Variants in FGF12 observed in about 807,000 individuals in gnomAD.
FGF12 encodes the protein fibroblast growth factor 12B.
In FGF12, 14 loss-of-function variants were observed where a neutral mutation model predicts 23.6. The ratio of observed to expected loss-of-function variants is 0.59; its 90% CI spans 0.39 to 0.93. FGF12 has a LOEUF of 0.93. Among genes scored for constraint, FGF12 ranks in the 40% least tolerant of loss-of-function variants. The probability of loss-of-function intolerance (pLI) is 0.00; values close to 1 mark genes in which losing one functional copy is unlikely to be tolerated. For synonymous variants in FGF12, 62 were observed against 77.3 expected, an observed-to-expected ratio of 0.80 and a Z score of 1.04; for missense variants, 175 against 217.8, an observed-to-expected ratio of 0.80 and a Z score of 1.24.
intron 5 of FGF12, among the ~76,000 whole-genome samples, chr3:192,163,451 T>C (rs757939036): frequency 3.9e-5 from 6 of 152,184 alleles, no homozygotes; most frequent in Non-Finnish European, 8.8e-5. Flanking sequence ...CAATTTATAT[T>C]ACATTAGATT....
intron 2 of FGF12, among the ~76,000 whole-genome samples, chr3:192,438,979 C>T (rs1014320974): frequency 3.3e-5 from 5 of 152,170 alleles, no homozygotes; most frequent in Admixed American, 1.3e-4. Flanking sequence ...TGAACTGCAA[C>T]GCTAACTCTA....
At chr3:192,217,759 G>A (rs1025626612) in intron 4 of FGF12, among the ~76,000 whole-genome samples, 4 of 152,016 alleles carry the variant, frequency 2.6e-5, no homozygotes, top group Non-Finnish European at 5.9e-5. Flanking sequence ...AAGGATCAAG[G>A]GCTCATCACT....
intron 2 of FGF12, among the ~76,000 whole-genome samples, chr3:192,520,673 G>A (rs9881528): frequency 0.059 from 8,972 of 152,006 alleles, 770 homozygotes; most frequent in African/African-American, 0.2. Context: ...TGCGTGAAAC[G>A]TTACTATGGT....
At chr3:192,501,584 G>A (rs2108833260) in intron 2 of FGF12, among the ~76,000 whole-genome samples, 1 of 152,252 alleles carries the variant, frequency 6.6e-6, no homozygotes, top group Admixed American at 6.5e-5. Flanking sequence ...AATATTTCCA[G>A]CTGAGAGTGG....
intron 2 of FGF12, among the ~76,000 whole-genome samples, chr3:192,628,702 T>A (rs1030761301): frequency 2.7e-5 from 4 of 149,724 alleles, no homozygotes; most frequent in Non-Finnish European, 4.4e-5. Context: ...TATGTATATA[T>A]ACACATAAAT....
chr3:192,580,753 A>G (rs1713098894), intron 2 of FGF12, among the ~76,000 whole-genome samples: 1 of 152,070 alleles, frequency 6.6e-6, no homozygotes. Context: ...GATTACAGGC[A>G]TGCACCACTG....
intron 2 of FGF12, among the ~76,000 whole-genome samples, chr3:192,597,270 T>C (rs1462211815): frequency 3.3e-5 from 5 of 152,148 alleles, no homozygotes; most frequent in Non-Finnish European, 7.4e-5. Context: ...CACTACATCC[T>C]CAAAATTCTA....
chr3:192,305,880 A>C (rs1239796070), intron 4 of FGF12, among the ~76,000 whole-genome samples: 1 of 36,562 alleles, frequency 2.7e-5, no homozygotes, highest in Admixed American at 3.5e-4. Flanking sequence ...TTTTTTTTTG[A>C]GATGGAGTCT....
chr3:192,701,634 A>T (rs1233100354), intron 2 of FGF12, among the ~76,000 whole-genome samples: 1 of 152,224 alleles, frequency 6.6e-6, no homozygotes, highest in Non-Finnish European at 1.5e-5. Context: ...TAGCGGCAAG[A>T]AAACTGGTCT....
chr3:192,488,474 G>A (rs1310706043), intron 2 of FGF12, among the ~76,000 whole-genome samples: 2 of 151,998 alleles, frequency 1.3e-5, no homozygotes. Flanking sequence ...AGCATAAAAT[G>A]AAAATCTCTC....
At chr3:192,602,281 T>C (rs890394611) in intron 2 of FGF12, among the ~76,000 whole-genome samples, 2 of 152,224 alleles carry the variant, frequency 1.3e-5, no homozygotes, top group East Asian at 3.9e-4. Context: ...GTCTATTATT[T>C]AAGAAGTAAA....
At chr3:192,604,963 C>G (rs781324768) in intron 2 of FGF12, among the ~76,000 whole-genome samples, 11 of 152,204 alleles carry the variant, frequency 7.2e-5, no homozygotes, top group Non-Finnish European at 5.9e-5. Context: ...AAAGGATTCC[C>G]TATTTAATAC....
intron 2 of FGF12, among the ~76,000 whole-genome samples, chr3:192,637,073 A>G (rs1236690179): frequency 1.3e-5 from 2 of 152,216 alleles, no homozygotes; most frequent in Non-Finnish European, 2.9e-5. Flanking sequence ...CAGCTGATAA[A>G]TAGATGTTTC....
chr3:192,473,743 C>T (rs554485340), intron 2 of FGF12, among the ~76,000 whole-genome samples: 1 of 152,250 alleles, frequency 6.6e-6, no homozygotes, highest in East Asian at 1.9e-4. Flanking sequence ...TGCGCTTGGC[C>T]ACCATGTGAT....
At chr3:192,252,933 T>G (rs1204416497) in intron 4 of FGF12, among the ~76,000 whole-genome samples, 3 of 152,266 alleles carry the variant, frequency 2.0e-5, no homozygotes, top group Non-Finnish European at 4.4e-5. Flanking sequence ...TTGGTCTTAA[T>G]GCCAAGGAAA....
chr3:192,630,709 C>T (rs1162710614), intron 2 of FGF12, among the ~76,000 whole-genome samples: 7 of 143,422 alleles, frequency 4.9e-5, no homozygotes, highest in East Asian at 2.0e-4. Flanking sequence ...CCCGCCACCA[C>T]GCCCGGCTAA....
At chr3:192,297,158 A>G (rs1271612915) in intron 4 of FGF12, among the ~76,000 whole-genome samples, 3 of 152,202 alleles carry the variant, frequency 2.0e-5, no homozygotes, top group South Asian at 4.1e-4. Context: ...AAAAATAATA[A>G]TAAGAGAAAA....
At chr3:192,184,984 A>AATT (rs1716374996) in intron 4 of FGF12, among the ~76,000 whole-genome samples, 1 of 152,146 alleles carries the variant, frequency 6.6e-6, no homozygotes, top group African/African-American at 2.4e-5. Flanking sequence ...ATTTCATTAC[A>AATT]ATTTATAGTT....
intron 4 of FGF12, among the ~76,000 whole-genome samples, chr3:192,299,743 C>T (rs372452691): frequency 2.6e-5 from 4 of 152,016 alleles, no homozygotes; most frequent in Non-Finnish European, 5.9e-5. Flanking sequence ...GAAGGGAGGA[C>T]GAGTGACTCC....
Sources: allele counts gnomAD v4.1 joint callset (sites outside exome capture counted in the v4.1 genomes callset), GRCh38; gene constraint gnomAD v4.1.1; transcripts MANE v1.5; gene names NCBI Gene and HGNC (gene_info 2026-07-23, HGNC 2026-07-21).